The following ABCB4 variants were observed in gnomAD, a reference collection of about 807,000 sequenced individuals.
The protein encoded by ABCB4 is ATP binding cassette subfamily B member 4.
A neutral mutation model predicts 145.7 loss-of-function variants in ABCB4; 76 were observed. The ratio of observed to expected loss-of-function variants is 0.52; its 90% CI spans 0.43 to 0.63. ABCB4 has a LOEUF of 0.63. Ranked by LOEUF, ABCB4 falls within the 30% of genes least tolerant of loss-of-function variation. The pLI is 0.00. For missense variants in ABCB4, 1,234 were observed against 1,553.1 expected (o/e 0.79, Z 3.45); for synonymous variants, 517 against 566.8 (o/e 0.91, Z 1.25).
intron 3 of ABCB4, among the ~76,000 whole-genome samples, chr7:87,469,976 A>T (rs577970102): frequency 6.6e-6 from 1 of 152,348 alleles, no homozygotes; most frequent in East Asian, 1.9e-4. Context: ...CTATACTACA[A>T]GGCTACAGTA....
chr7:87,373,250 G>A, the ABCB4 span, among the ~76,000 whole-genome samples: 1 of 152,086 alleles, frequency 6.6e-6, no homozygotes, highest in South Asian at 2.1e-4. Flanking sequence ...TTGGAGAGAT[G>A]TCTAATCAGA....
At chr7:87,429,271 A>G (rs1810043718) in intron 15 of ABCB4, among the ~76,000 whole-genome samples, 1 of 152,242 alleles carries the variant, frequency 6.6e-6, no homozygotes, top group South Asian at 2.1e-4. Context: ...AGAATGCCAG[A>G]GCTGGTAGAA....
At chr7:87,382,650 C>A in the ABCB4 span, 40 of 1,122,804 alleles carry the variant, frequency 3.6e-5, no homozygotes, top group Non-Finnish European at 3.8e-5. Context: ...ACTTTTTTCC[C>A]AGCTGGTACT....
chr7:87,373,351 C>A, the ABCB4 span, among the ~76,000 whole-genome samples: 1 of 151,958 alleles, frequency 6.6e-6, no homozygotes, highest in Non-Finnish European at 1.5e-5. Flanking sequence ...ATATAATTTG[C>A]AAATTATATC....
At chr7:87,372,007 CA>C in the ABCB4 span, among the ~76,000 whole-genome samples, 62,646 of 122,980 alleles carry the variant, frequency 0.51, 14,311 homozygotes, top group Middle Eastern at 0.6. Flanking sequence ...AAAAAAAAAA[CA>C]AAAAAAAAAA....
chr7:87,403,874 A>G (rs979137304), intron 26 of ABCB4, among the ~76,000 whole-genome samples: 3 of 152,230 alleles, frequency 2.0e-5, no homozygotes, highest in Non-Finnish European at 4.4e-5. Context: ...GAGACAGGGT[A>G]GAAGGAGAAA....
Position 87,475,368 on chromosome 7 carries a change from T to C in ABCB4, c.80+18A>G, listed in dbSNP as rs768763783. 1.2e-6 allele frequency: 2 copies of C among 1,614,158 alleles called. No homozygotes were observed. Among genetic ancestry groups the C allele is most frequent in the South Asian group, 2.2e-5 (2 of 91,090 alleles). On this transcript the variant is annotated intron_variant, in intron 2 of 27. Transcript: ENST00000649586. ...GATTGGCGTGTAACGGAAAAGCCAG[T>C]GGCTGCTGGGGATGTACCTGCTGAT... is the stretch of plus-strand genomic sequence containing the variant.
At chr7:87,431,319 T>G in intron 15 of ABCB4, 85 bp downstream of exon 15, 1 of 1,547,538 alleles carries the variant, frequency 6.5e-7, no homozygotes, top group South Asian at 1.1e-5. Context: ...TTGCTCAGTA[T>G]AGCATTCACT....
intron 16 of ABCB4, among the ~76,000 whole-genome samples, chr7:87,425,110 T>C (rs1809717118): frequency 6.6e-6 from 1 of 152,174 alleles, no homozygotes; most frequent in African/African-American, 2.4e-5. Flanking sequence ...TGAATCTTTT[T>C]CTTTGGTTAC....
At chr7:87,415,098 T>C (rs1429673088) in intron 21 of ABCB4, among the ~76,000 whole-genome samples, 1 of 152,216 alleles carries the variant, frequency 6.6e-6, no homozygotes, top group Non-Finnish European at 1.5e-5. Flanking sequence ...ACACTCCTCT[T>C]GACATTCTAG....
At chr7:87,378,813 C>T in the ABCB4 span, among the ~76,000 whole-genome samples, 2 of 152,128 alleles carry the variant, frequency 1.3e-5, no homozygotes. Context: ...TCATTCAAAC[C>T]ACTACAAAGT....
chr7:87,402,077 A>G lies in ABCB4; in HGVS notation c.*19T>C. On this transcript the variant is annotated 3_prime_UTR_variant, in exon 28 of 28. Coordinates refer to ENST00000649586, the MANE Select transcript of ABCB4 (RefSeq NM_000443.4). ...TAGAATAATTTGAATTTATTTTTAA[A>G]ATATACTGTAGCAAAAGTTCATAAG... 3.1e-6 allele frequency: 5 copies of G among 1,613,524 alleles called. No individual in the cohort carries two copies. In the South Asian group the frequency reaches 5.5e-5, roughly 18 times the overall value.
chr7:87,391,442 T>G, the ABCB4 span: 3 of 691,700 alleles, frequency 4.3e-6, no homozygotes, highest in African/African-American at 5.6e-5. Flanking sequence ...GTATTGGAAA[T>G]AGGCTCTTTT....
At chr7:87,396,312 A>G in the ABCB4 span, among the ~76,000 whole-genome samples, 2 of 152,332 alleles carry the variant, frequency 1.3e-5, no homozygotes, top group South Asian at 2.1e-4. Context: ...CACCAGAGGA[A>G]TTAACAGAAG....
chr7:87,425,021 A>AT (rs1456391184), intron 16 of ABCB4, among the ~76,000 whole-genome samples: 1 of 150,466 alleles, frequency 6.6e-6, no homozygotes. Context: ...CAAATTACCC[A>AT]TTTTTTCTGT....
chr7:87,424,114 C>T, intron 16 of ABCB4, 62 bp from the exon 17 acceptor site: 1 of 1,610,606 alleles, frequency 6.2e-7, no homozygotes, highest in Non-Finnish European at 8.5e-7. Context: ...AGTCTGTAGA[C>T]ATAGAAAAGG....
the ABCB4 span, among the ~76,000 whole-genome samples, chr7:87,387,024 C>T: frequency 2.6e-5 from 4 of 151,992 alleles, no homozygotes; most frequent in South Asian, 2.1e-4. Flanking sequence ...TTTCCACATG[C>T]GGCCTGGCAG....
In ABCB4 at chr7:87,466,045, C is replaced by G. The variant is rs553311018; in HGVS notation, c.136-3137G>C. ...TCACCAGCAATGGAACAAAGCAGGA[C>G]GGAGAATGACTTTGATGAGTTGAGA... On this transcript the variant is annotated intron_variant, in intron 3 of 27. Transcript: ENST00000649586. 2.0e-5 allele frequency among the ~76,000 whole-genome samples: 3 copies of G among 152,290 alleles called. No individual in the cohort carries two copies. In the South Asian group the frequency reaches 6.2e-4, roughly 32 times the overall value.
At chr7:87,469,814 A>T (rs1349570066) in intron 3 of ABCB4, among the ~76,000 whole-genome samples, 1 of 152,230 alleles carries the variant, frequency 6.6e-6, no homozygotes, top group African/African-American at 2.4e-5. Flanking sequence ...TATAGATTCA[A>T]TGCCATCCCC....
Sources: allele counts gnomAD v4.1 joint callset (sites outside exome capture counted in the v4.1 genomes callset), GRCh38; gene constraint gnomAD v4.1.1; transcripts MANE v1.5; gene names NCBI Gene and HGNC (gene_info 2026-07-23, HGNC 2026-07-21).